The following RFTN1 variants were observed in gnomAD, a reference collection of about 807,000 sequenced individuals.
RFTN1 encodes the protein raftlin, lipid raft linker 1.
A neutral mutation model predicts 46.5 loss-of-function variants in RFTN1; 26 were observed. The observed-to-expected ratio is 0.56, with a 90% CI of 0.41 to 0.78. The LOEUF is 0.78. Among genes scored for constraint, RFTN1 ranks in the 30% least tolerant of loss-of-function variants. The probability of loss-of-function intolerance (pLI) is 0.00; values close to 1 mark genes in which losing one functional copy is unlikely to be tolerated. For missense variants in RFTN1, 693 were observed against 718.7 expected (o/e 0.96, Z 0.41); for synonymous variants, 261 against 284.2 (o/e 0.92, Z 0.82).
rs1261925419 is a variant in RFTN1, at chr3:16,352,389, T to C, written c.1146+5543A>G. 6.6e-6 allele frequency among the ~76,000 whole-genome samples: 1 copy of C among 152,232 alleles called. No homozygotes were observed. The highest frequency in any genetic ancestry group is 1.5e-5 in the Non-Finnish European group (1 of 68,046). On this transcript the variant is annotated intron_variant, in intron 7 of 9. Coordinates refer to ENST00000334133, the MANE Select transcript of RFTN1 (RefSeq NM_015150.2). This position sits in a 1 kb window ranked among gnomAD's most constrained non-coding sequence, Gnocchi z 4.6. Reference sequence around the variant, plus strand: ...GTCTCTGTATCTTGCTCTTTACCTATTCATCTATGTAGTTTTTTCCTTTCC... The same window carrying C: ...GTCTCTGTATCTTGCTCTTTACCTACTCATCTATGTAGTTTTTTCCTTTCC...
Position 16,338,441 on chromosome 3 carries a change from TG to T in RFTN1, c.1147-11566del, listed in dbSNP as rs1334766261. On this transcript the variant is annotated intron_variant, in intron 7 of 9. Coordinates refer to ENST00000334133, the MANE Select transcript of RFTN1 (RefSeq NM_015150.2). This position sits in a 1 kb window ranked among gnomAD's most constrained non-coding sequence, Gnocchi z 5.3. The stretch of plus-strand genomic sequence containing the variant: ...CACAAAGCTGCCACATCCTGTCAGC[TG>T]CTCATCGGGACCACGTATGCAATAG... Among the ~76,000 whole-genome samples the T allele has an allele frequency of 6.6e-6, 1 of 152,254 alleles. No homozygotes were observed. Among genetic ancestry groups the T allele is most frequent in the Non-Finnish European group, 1.5e-5 (1 of 68,046 alleles).
Position 16,385,741 on chromosome 3 carries a change from G to A in RFTN1, c.442-7639C>T, listed in dbSNP as rs781167914. On this transcript the variant is annotated intron_variant, in intron 4 of 9. Coordinates refer to ENST00000334133, the MANE Select transcript of RFTN1 (RefSeq NM_015150.2). This position sits in a 1 kb window ranked among gnomAD's most constrained non-coding sequence, Gnocchi z 5.0. ...ACAGTCAAAGAGTCAACACGCTGGAGTAGTCAGGAGTCACCTCTGGCAGAT... is the reference window on the plus strand; with the variant it reads ...ACAGTCAAAGAGTCAACACGCTGGAATAGTCAGGAGTCACCTCTGGCAGAT... Among the ~76,000 whole-genome samples, 9 of 152,214 alleles carry A rather than the reference G, an allele frequency of 5.9e-5. No individual in the cohort carries two copies. The highest frequency in any genetic ancestry group is 1.2e-4 in the Non-Finnish European group (8 of 68,042).
In RFTN1 at chr3:16,484,910, G is replaced by A. The variant is rs1271436244; in HGVS notation, c.145+8815C>T. The A allele has an allele frequency of 1.3e-5, 2 of 152,270 alleles. No homozygotes were observed. Among genetic ancestry groups the A allele is most frequent in the East Asian group, 3.9e-4 (2 of 5,190 alleles). 9.4% of individuals were successfully genotyped at this position (152,270 alleles called of 1,614,324 possible). On this transcript the variant is annotated intron_variant, in intron 2 of 9. Transcript: ENST00000334133. This position sits in a 1 kb window ranked among gnomAD's most constrained non-coding sequence, Gnocchi z 4.6. The stretch of plus-strand genomic sequence containing the variant: ...ACTCCACCTACCTCATAAGATTGTT[G>A]TTAGTTTGTTTAGAAGAGATTAATA...
chr3:16,482,238 T>C (rs970872344), intron 2 of RFTN1, among the ~76,000 whole-genome samples: 18 of 152,096 alleles, frequency 1.2e-4, no homozygotes, highest in African/African-American at 3.9e-4. Flanking sequence ...ACCCTATTTG[T>C]CAGGCTCCCT....
Position 16,386,143 on chromosome 3 carries a change from T to C in RFTN1, c.442-8041A>G, listed in dbSNP as rs559488664. On this transcript the variant is annotated intron_variant, in intron 4 of 9. Coordinates refer to ENST00000334133, the MANE Select transcript of RFTN1 (RefSeq NM_015150.2). ...TGTGGCTGTCAAAATCCATTATTGG[T>C]AGCCATGGATTTAACCTTACCCACA... Among the ~76,000 whole-genome samples the C allele has an allele frequency of 4.6e-5, 7 of 152,374 alleles. No homozygotes were observed. The South Asian group carries it at 1.2e-3, about 27-fold the overall frequency.
At chr3:16,453,359 C>T (rs2075851537) in intron 2 of RFTN1, among the ~76,000 whole-genome samples, 1 of 152,180 alleles carries the variant, frequency 6.6e-6, no homozygotes, top group Admixed American at 6.5e-5. Flanking sequence ...ATAGAAGACA[C>T]CCTCAGATCC....
At chr3:16,467,939 A>T (rs2076129430) in intron 2 of RFTN1, among the ~76,000 whole-genome samples, 1 of 152,196 alleles carries the variant, frequency 6.6e-6, no homozygotes, top group African/African-American at 2.4e-5. Flanking sequence ...CTTTGGGGAA[A>T]GAGGGTGAGA....
rs1440043812 is a variant in RFTN1 at position 16,429,704 on chromosome 3, T to C, written c.332+4147A>G. 1.3e-5 allele frequency among the ~76,000 whole-genome samples: 2 copies of C among 152,218 alleles called. No homozygotes were observed. Among genetic ancestry groups the C allele is most frequent in the African/African-American group, 4.8e-5 (2 of 41,448 alleles). On this transcript the variant is annotated intron_variant, in intron 3 of 9. Transcript: ENST00000334133. The surrounding 1 kb of genome is among the most constrained non-coding windows in gnomAD (Gnocchi z 6.4). ...GTTAGTGAATGAGTGAGGGGATAAA[T>C]GCAGGCTTGAGGGGTTCCGTCTGGT... is the stretch of plus-strand genomic sequence containing the variant.
At chr3:16,388,444 G>A (rs1234056447) in intron 4 of RFTN1, among the ~76,000 whole-genome samples, 1 of 152,194 alleles carries the variant, frequency 6.6e-6, no homozygotes, top group Non-Finnish European at 1.5e-5. Flanking sequence ...ACAATTTCAG[G>A]AAATATCCAT....
At chr3:16,430,223 A>C (rs1223030311) in intron 3 of RFTN1, among the ~76,000 whole-genome samples, 1 of 151,378 alleles carries the variant, frequency 6.6e-6, no homozygotes, top group Admixed American at 6.6e-5. Flanking sequence ...TAATCCTCCC[A>C]CCTCAGCCTC....
chr3:16,391,842 T>G (rs898638098), intron 4 of RFTN1, among the ~76,000 whole-genome samples: 2 of 145,994 alleles, frequency 1.4e-5, no homozygotes, highest in South Asian at 2.2e-4. Context: ...CTAGAGATTA[T>G]CATTCTAGTG....
intron 2 of RFTN1, chr3:16,482,795 TC>T: frequency 6.5e-7 from 1 of 1,536,108 alleles, no homozygotes; most frequent in Non-Finnish European, 8.7e-7. Flanking sequence ...GCTGCAGGGA[TC>T]CCCAGAGAGG....
rs1156427077 is a variant in RFTN1, at chr3:16,320,225, TGAA to T, written c.1333-2996_1333-2994del. On this transcript the variant is annotated intron_variant, in intron 9 of 9. Coordinates refer to ENST00000334133, the MANE Select transcript of RFTN1 (RefSeq NM_015150.2). This position sits in a 1 kb window ranked among gnomAD's most constrained non-coding sequence, Gnocchi z 4.5. ...AGTTGTAGAAATCACCTACTCCCTT[TGAA>T]GAAGTTTAATATTTGCCTTGAAAAT... Among the ~76,000 whole-genome samples the T allele has an allele frequency of 6.6e-6, 1 of 152,212 alleles. No individual in the cohort carries two copies. The highest frequency in any genetic ancestry group is 1.5e-5 in the Non-Finnish European group (1 of 68,042).
At chr3:16,365,105 C>T (rs928569545) in intron 6 of RFTN1, among the ~76,000 whole-genome samples, 2 of 152,094 alleles carry the variant, frequency 1.3e-5, no homozygotes, top group African/African-American at 4.8e-5. Context: ...TTAGCCCCTA[C>T]ATTATTAAGT....
rs951716790 is a variant in RFTN1 at position 16,327,342 on chromosome 3, G to C, written c.1147-466C>G. On this transcript the variant is annotated intron_variant, in intron 7 of 9. Transcript: ENST00000334133. The surrounding 1 kb of genome is among the most constrained non-coding windows in gnomAD (Gnocchi z 4.2). ...GCAACACACACATGCACATCCACAT[G>C]TGTGTGTACACGCAGAAGCTGCTTT... Among the ~76,000 whole-genome samples the C allele has an allele frequency of 2.6e-5, 4 of 152,200 alleles. No individual in the cohort carries two copies. Among genetic ancestry groups the C allele is most frequent in the African/African-American group, 9.6e-5 (4 of 41,464 alleles).
rs2070888637 is a variant in RFTN1 at position 16,336,748 on chromosome 3, T to C, written c.1147-9872A>G. Among the ~76,000 whole-genome samples, 1 of 152,176 alleles carries C rather than the reference T, an allele frequency of 6.6e-6. No homozygotes were observed. Among genetic ancestry groups the C allele is most frequent in the African/African-American group, 2.4e-5 (1 of 41,430 alleles). On this transcript the variant is annotated intron_variant, in intron 7 of 9. Transcript: ENST00000334133. This position sits in a 1 kb window ranked among gnomAD's most constrained non-coding sequence, Gnocchi z 6.0. ...TGTAGTGCATAAAAAGCTTCAGTTCTGAGACTCTTTACCCACCCAGTGCTG... is the reference window on the plus strand; with the variant it reads ...TGTAGTGCATAAAAAGCTTCAGTTCCGAGACTCTTTACCCACCCAGTGCTG...
chr3:16,487,611 G>C (rs745783042), intron 2 of RFTN1, among the ~76,000 whole-genome samples: 88 of 152,302 alleles, frequency 5.8e-4, no homozygotes, highest in Admixed American at 3.1e-3. Context: ...GTACTAGTCA[G>C]TGCAGGACTG....
intron 4 of RFTN1, among the ~76,000 whole-genome samples, chr3:16,386,421 A>G (rs965322135): frequency 6.6e-6 from 1 of 152,200 alleles, no homozygotes; most frequent in Non-Finnish European, 1.5e-5. Context: ...TTTCATCCCT[A>G]TCTTACAGAT....
In RFTN1 at chr3:16,506,823, T is replaced by C. The variant is rs532232472; in HGVS notation, c.-9+6619A>G. On this transcript the variant is annotated intron_variant, in intron 1 of 9. Coordinates refer to ENST00000334133, the MANE Select transcript of RFTN1 (RefSeq NM_015150.2). The surrounding 1 kb of genome is among the most constrained non-coding windows in gnomAD (Gnocchi z 4.8). ...TCTTCTTCATCCCCAACAGCAGCTA[T>C]TCCAATGCCCTGCCCATAACAGATG... Among the ~76,000 whole-genome samples the C allele has an allele frequency of 6.6e-6, 1 of 152,290 alleles. No individual in the cohort carries two copies. The highest frequency in any genetic ancestry group is 2.1e-4 in the South Asian group (1 of 4,826).
Sources: gnomAD v4.1 joint callset for allele counts (sites outside exome capture counted in the v4.1 genomes callset) on GRCh38, gnomAD v4.1.1 for gene constraint, Gnocchi (gnomAD v3.1) non-coding constraint, MANE v1.5 for transcripts, NCBI Gene and HGNC (gene_info 2026-07-23, HGNC 2026-07-21) for gene names.